Variants in FBXL4 observed in about 807,000 individuals in gnomAD.
FBXL4 encodes F-box and leucine rich repeat protein 4.
A neutral mutation model predicts 58.9 loss-of-function variants in FBXL4; 40 were observed. The ratio of observed to expected loss-of-function variants is 0.68; its 90% CI spans 0.53 to 0.88. The LOEUF is 0.88. FBXL4 is among the 40% of genes least tolerant of loss of function. FBXL4 has a pLI of 0.00. For missense variants in FBXL4, 676 were observed against 734.4 expected (o/e 0.92, Z 0.92); for synonymous variants, 263 against 265.5 (o/e 0.99, Z 0.09).
rs1219231053 is a variant in FBXL4 at position 98,868,710 on chromosome 6, TA to T, written c.*5567del. ...TATCTTTAGTGTATTCTACTCTATTTATCTGATACGACTATTTTGCTTTTAA... is the reference window on the plus strand; with the variant it reads ...TATCTTTAGTGTATTCTACTCTATTTTCTGATACGACTATTTTGCTTTTAA... On this transcript the variant is annotated 3_prime_UTR_variant, in exon 10 of 10. Coordinates refer to ENST00000369244, the MANE Select transcript of FBXL4 (RefSeq NM_001278716.2). 1 of 152,208 alleles carries T rather than the reference TA, an allele frequency of 6.6e-6. No homozygotes were observed. The highest frequency in any genetic ancestry group is 2.4e-5 in the African/African-American group (1 of 41,460). 9.4% of individuals were successfully genotyped at this position (152,208 alleles called of 1,614,324 possible). A position where few individuals can be genotyped will look rare whatever the true frequency, so the allele number is the denominator to read the frequency against.
intron 7 of FBXL4, among the ~76,000 whole-genome samples, chr6:98,893,432 T>C (rs918388592): frequency 2.8e-5 from 4 of 141,164 alleles, no homozygotes; most frequent in Non-Finnish European, 4.9e-5. Context: ...GTCTTCCTTG[T>C]GTGTGTGTCC....
chr6:98,913,908 A>G (rs527521760), intron 5 of FBXL4, among the ~76,000 whole-genome samples: 194 of 151,746 alleles, frequency 1.3e-3, no homozygotes, highest in African/African-American at 4.5e-3. Context: ...AACAAAATTG[A>G]TAAACCGCTA....
intron 5 of FBXL4, among the ~76,000 whole-genome samples, chr6:98,911,060 G>C (rs913940805): frequency 1.3e-5 from 2 of 152,236 alleles, no homozygotes; most frequent in East Asian, 3.9e-4. Context: ...CTACGCCCAC[G>C]GAGTCTCGCT....
intron 2 of FBXL4, among the ~76,000 whole-genome samples, chr6:98,931,635 C>T (rs1339888562): frequency 6.6e-6 from 1 of 152,092 alleles, no homozygotes; most frequent in African/African-American, 2.4e-5. Context: ...AAGTTAAAAC[C>T]TGTTTTTGAA....
intron 7 of FBXL4, chr6:98,899,008 T>G (rs1364239268): frequency 2.0e-6 from 2 of 985,284 alleles, no homozygotes; most frequent in Non-Finnish European, 2.4e-6. Flanking sequence ...AACCAACGCT[T>G]ATTTTTTTTC....
At chr6:98,890,063 C>G (rs1413803173) in intron 7 of FBXL4, among the ~76,000 whole-genome samples, 2 of 152,072 alleles carry the variant, frequency 1.3e-5, no homozygotes, top group African/African-American at 4.8e-5. Context: ...TATACTGAGA[C>G]CTTGTATAAT....
Position 98,871,579 on chromosome 6 carries a change from TG to T in FBXL4, c.*2698del, listed in dbSNP as rs996249947. 3 of 152,230 alleles carry T rather than the reference TG, an allele frequency of 2.0e-5. No individual in the cohort carries two copies. The highest frequency in any genetic ancestry group is 7.2e-5 in the African/African-American group (3 of 41,460). The allele number at this position is 152,230 out of a possible 1,614,324, so 9.4% of individuals were successfully genotyped here. A position where few individuals can be genotyped will look rare whatever the true frequency, so the allele number is the denominator to read the frequency against. ...ATGTGTGAAGCAAAATGATTACGTTTGTCAAATTTATAAAGCCTGTGAAAAG... is the reference window on the plus strand; with the variant it reads ...ATGTGTGAAGCAAAATGATTACGTTTTCAAATTTATAAAGCCTGTGAAAAG... On this transcript the variant is annotated 3_prime_UTR_variant, in exon 10 of 10. Transcript: ENST00000369244.
intron 1 of FBXL4, among the ~76,000 whole-genome samples, chr6:98,937,314 AT>A (rs1230852711): frequency 1.3e-5 from 2 of 152,108 alleles, no homozygotes; most frequent in Non-Finnish European, 2.9e-5. Flanking sequence ...AAAAAAAAAA[AT>A]CTGAATATAA....
chr6:98,908,586 G>A (rs1771906155), intron 5 of FBXL4, among the ~76,000 whole-genome samples: 3 of 152,206 alleles, frequency 2.0e-5, no homozygotes, highest in African/African-American at 7.2e-5. Flanking sequence ...CATTCACAAT[G>A]TTCCCATCAA....
intron 5 of FBXL4, among the ~76,000 whole-genome samples, chr6:98,906,355 T>G: frequency 6.7e-6 from 1 of 149,612 alleles, no homozygotes; most frequent in African/African-American, 2.5e-5. Flanking sequence ...GGCCCCAGTG[T>G]GTTCCCCTGC....
At chr6:98,894,956 T>C (rs1427026797) in intron 7 of FBXL4, among the ~76,000 whole-genome samples, 1 of 152,164 alleles carries the variant, frequency 6.6e-6, no homozygotes, top group Non-Finnish European at 1.5e-5. Flanking sequence ...CACATCAGCA[T>C]ACAAGACAAT....
chr6:98,934,353 C>G (rs1245832551), intron 2 of FBXL4, among the ~76,000 whole-genome samples: 1 of 151,252 alleles, frequency 6.6e-6, no homozygotes, highest in Non-Finnish European at 1.5e-5. Context: ...GAGCCAAGAT[C>G]GCACCACTGC....
At chr6:98,883,095 A>T (rs1378914892) in intron 7 of FBXL4, among the ~76,000 whole-genome samples, 1 of 152,026 alleles carries the variant, frequency 6.6e-6, no homozygotes, top group Non-Finnish European at 1.5e-5. Flanking sequence ...CTTTACCAAC[A>T]TACGTAGACT....
chr6:98,874,255 T>G lies in FBXL4; in HGVS notation c.*23A>C. On this transcript the variant is annotated 3_prime_UTR_variant, in exon 10 of 10. Transcript: ENST00000369244. ...TTAAACCCCAACAAAGCACATTAAT[T>G]TTAATACAGAACATATATTAAGTCA... 6.6e-7 allele frequency: 1 copy of G among 1,516,766 alleles called. No individual in the cohort carries two copies. Among genetic ancestry groups the G allele is most frequent in the African/African-American group, 1.4e-5 (1 of 70,602 alleles). 94.0% of individuals were successfully genotyped at this position (1,516,766 alleles called of 1,614,324 possible).
At chr6:98,908,320 T>C (rs1771893001) in intron 5 of FBXL4, among the ~76,000 whole-genome samples, 1 of 152,216 alleles carries the variant, frequency 6.6e-6, no homozygotes, top group Admixed American at 6.5e-5. Flanking sequence ...CAACTTGCTT[T>C]TCTCATTTAA....
At chr6:98,923,827 G>T (rs1772675236) in intron 4 of FBXL4, among the ~76,000 whole-genome samples, 1 of 152,022 alleles carries the variant, frequency 6.6e-6, no homozygotes. Flanking sequence ...AAGAATTACA[G>T]ATTTTTTTCA....
chr6:98,945,908 T>A (rs1309922356), intron 1 of FBXL4, among the ~76,000 whole-genome samples: 1 of 152,182 alleles, frequency 6.6e-6, no homozygotes, highest in East Asian at 1.9e-4. Context: ...CAGAAGGGAT[T>A]TATTTACTAA....
At chr6:98,941,775 T>G (rs1193164852) in intron 1 of FBXL4, among the ~76,000 whole-genome samples, 1 of 152,158 alleles carries the variant, frequency 6.6e-6, no homozygotes, top group Admixed American at 6.5e-5. Flanking sequence ...TGAATAGAAT[T>G]AACCATTTTA....
rs747657121 is a variant in FBXL4 at position 98,905,509 on chromosome 6, T to C, written c.1020A>G (p.Leu340=). ...AKLDDTSLEF[L]QSRCTLVQWL... Reference sequence around the variant, plus strand: ...ACTGGACAAGAGTGCAGCGAGACTGTAGAAATTCCAGAGAAGTGTCATCTA... The same window carrying C: ...ACTGGACAAGAGTGCAGCGAGACTGCAGAAATTCCAGAGAAGTGTCATCTA... Residue 340 remains leucine, a synonymous_variant, in exon 6 of 10, where the codon CTA becomes CTG. Transcript: ENST00000369244. The C allele has an allele frequency of 3.0e-5, 49 of 1,613,902 alleles. No individual in the cohort carries two copies. The highest frequency in any genetic ancestry group is 1.6e-4 in the Middle Eastern group (1 of 6,080).
Sources: gnomAD v4.1 joint callset for allele counts (sites outside exome capture counted in the v4.1 genomes callset) on GRCh38, gnomAD v4.1.1 for gene constraint, MANE v1.5 for transcripts, NCBI Gene and HGNC (gene_info 2026-07-23, HGNC 2026-07-21) for gene names.